The following PRKD1 variants were observed in gnomAD, a reference collection of about 807,000 sequenced individuals.
PRKD1 encodes the protein serine/threonine-protein kinase D1.
A neutral mutation model predicts 95.9 loss-of-function variants in PRKD1; 63 were observed. The observed-to-expected ratio is 0.66, with a 90% CI of 0.54 to 0.81. PRKD1 has a LOEUF of 0.81. PRKD1 is among the 30% of genes least tolerant of loss of function. The pLI, the probability that PRKD1 is intolerant of heterozygous loss-of-function variation, is 0.00. For synonymous variants in PRKD1, 425 were observed against 423.1 expected (o/e 1.00, Z -0.05); for missense variants, 1,048 against 1,165.3 (o/e 0.90, Z 1.47).
At chr14:29,676,192 T>TTGTTTTTTTTTTG (rs61509628) in intron 2 of PRKD1, among the ~76,000 whole-genome samples, 31,461 of 127,522 alleles carry the variant, frequency 0.25, 4,047 homozygotes, top group African/African-American at 0.29. Flanking sequence ...TGTTTTTTTT[T>TTGTTTTTTTTTTG]TTTTTTTTTT....
chr14:29,663,056 C>CATATTTTATATATAATATATATATATAT (rs1882269800), intron 4 of PRKD1, among the ~76,000 whole-genome samples: 3 of 141,178 alleles, frequency 2.1e-5, no homozygotes, highest in South Asian at 2.2e-4. Context: ...TATTTATTTG[C>CATATTTTATATATAATATATATATATAT]ATATTTTATA....
At chr14:29,878,775 T>C (rs939414146) in intron 1 of PRKD1, among the ~76,000 whole-genome samples, 2 of 152,152 alleles carry the variant, frequency 1.3e-5, no homozygotes, top group South Asian at 2.1e-4. Context: ...TGGGGAATTA[T>C]TGCTTAATAG....
chr14:29,641,898 CTTTTTT>C (rs751584936), intron 4 of PRKD1, among the ~76,000 whole-genome samples: 3 of 116,686 alleles, frequency 2.6e-5, no homozygotes, highest in Middle Eastern at 5.1e-3. Flanking sequence ...AAAAATATTT[CTTTTTT>C]TTTTTTTTTT....
chr14:29,767,155 CA>C (rs1276745764), intron 1 of PRKD1, among the ~76,000 whole-genome samples: 2 of 151,996 alleles, frequency 1.3e-5, no homozygotes, highest in Non-Finnish European at 2.9e-5. Flanking sequence ...TCTCCTACAA[CA>C]AAAAACCTGT....
At chr14:29,627,554 A>G (rs1381173708) in intron 11 of PRKD1, among the ~76,000 whole-genome samples, 2 of 152,160 alleles carry the variant, frequency 1.3e-5, no homozygotes, top group African/African-American at 4.8e-5. Context: ...TTCTGATGAA[A>G]TCACCAGGTA....
At chr14:29,714,668 T>C (rs1487256536) in intron 2 of PRKD1, among the ~76,000 whole-genome samples, 3 of 152,184 alleles carry the variant, frequency 2.0e-5, no homozygotes, top group South Asian at 2.1e-4. Flanking sequence ...CATATGTTTA[T>C]TGTGGCACTG....
At chr14:29,911,536 C>T (rs1239942493) in intron 1 of PRKD1, among the ~76,000 whole-genome samples, 1 of 151,946 alleles carries the variant, frequency 6.6e-6, no homozygotes, top group Non-Finnish European at 1.5e-5. Flanking sequence ...ATAAAAAGAG[C>T]AAATAAAAGC....
chr14:29,876,304 A>T (rs1172800578), intron 1 of PRKD1, among the ~76,000 whole-genome samples: 1 of 152,176 alleles, frequency 6.6e-6, no homozygotes, highest in Non-Finnish European at 1.5e-5. Context: ...AACCATGGGG[A>T]TAAAGAACAG....
At chr14:29,656,589 C>G in intron 4 of PRKD1, 1 of 1,369,192 alleles carries the variant, frequency 7.3e-7, no homozygotes, top group Non-Finnish European at 1.0e-6. Flanking sequence ...TGGATGGAAG[C>G]AAAGCACATT....
At chr14:29,585,431 T>C (rs1318347477) in intron 16 of PRKD1, among the ~76,000 whole-genome samples, 8 of 152,230 alleles carry the variant, frequency 5.3e-5, no homozygotes, top group African/African-American at 1.7e-4. Context: ...GTTACTCCTT[T>C]GCTTTTCATC....
chr14:29,586,017 G>C (rs908056062), intron 16 of PRKD1, among the ~76,000 whole-genome samples: 16 of 152,142 alleles, frequency 1.1e-4, no homozygotes, highest in African/African-American at 3.4e-4. Flanking sequence ...ATTCTGATTT[G>C]GTAGTTCTGA....
At chr14:29,831,494 A>C (rs982796751) in intron 1 of PRKD1, among the ~76,000 whole-genome samples, 26 of 129,104 alleles carry the variant, frequency 2.0e-4, no homozygotes, top group Non-Finnish European at 3.4e-4. Context: ...TTTGAGATGG[A>C]GTCTTGTTCT....
intron 1 of PRKD1, among the ~76,000 whole-genome samples, chr14:29,726,021 C>T (rs1886124313): frequency 6.6e-6 from 1 of 152,062 alleles, no homozygotes; most frequent in Non-Finnish European, 1.5e-5. Flanking sequence ...TGATTTACAG[C>T]AATCCAGTAA....
chr14:29,688,661 A>G (rs112393623), intron 2 of PRKD1, among the ~76,000 whole-genome samples: 1,837 of 152,198 alleles, frequency 0.012, 15 homozygotes, highest in Middle Eastern at 0.024. Context: ...CCGAGGCATG[A>G]TGGTTCGTCC....
chr14:29,894,745 T>C (rs1894061087), intron 1 of PRKD1, among the ~76,000 whole-genome samples: 1 of 152,166 alleles, frequency 6.6e-6, no homozygotes, highest in Non-Finnish European at 1.5e-5. Flanking sequence ...GAGACAGTAG[T>C]ATTGAGAATG....
At chr14:29,732,430 A>G (rs1187618443) in intron 1 of PRKD1, among the ~76,000 whole-genome samples, 1 of 152,012 alleles carries the variant, frequency 6.6e-6, no homozygotes, top group Non-Finnish European at 1.5e-5. Context: ...CCTTTATGCT[A>G]TTTTTCTATG....
At chr14:29,920,504 A>G (rs146799213) in intron 1 of PRKD1, among the ~76,000 whole-genome samples, 136 of 152,118 alleles carry the variant, frequency 8.9e-4, no homozygotes, top group Non-Finnish European at 1.2e-3. Flanking sequence ...AAGTTCTAAC[A>G]GTCTGAGTCC....
At chr14:29,883,548 T>C (rs1054867617) in intron 1 of PRKD1, among the ~76,000 whole-genome samples, 1 of 152,208 alleles carries the variant, frequency 6.6e-6, no homozygotes, top group African/African-American at 2.4e-5. Context: ...ATCAAGTCTG[T>C]TCTAAAAATG....
chr14:29,898,389 A>T (rs1894205439), intron 1 of PRKD1, among the ~76,000 whole-genome samples: 1 of 152,152 alleles, frequency 6.6e-6, no homozygotes, highest in South Asian at 2.1e-4. Flanking sequence ...AATGGTAAGT[A>T]AGTTCTTCAG....
Sources: gnomAD v4.1 joint callset for allele counts (sites outside exome capture counted in the v4.1 genomes callset) on GRCh38, gnomAD v4.1.1 for gene constraint, MANE v1.5 for transcripts, NCBI Gene and HGNC (gene_info 2026-07-23, HGNC 2026-07-21) for gene names.